ANKS1B: variants seen among roughly 807,000 people sequenced by gnomAD.
ANKS1B encodes the protein ankyrin repeat and sterile alpha motif domain containing 1B.
A neutral mutation model predicts 148.3 loss-of-function variants in ANKS1B; 36 were observed. That is an observed-to-expected ratio of 0.24 (90% confidence interval 0.19 to 0.32). ANKS1B has a LOEUF of 0.32. ANKS1B is among the 10% of genes least tolerant of loss of function. The pLI is 1.00. For synonymous variants in ANKS1B, 542 were observed against 560.8 expected (o/e 0.97, Z 0.47); for missense variants, 1,157 against 1,542.6 (o/e 0.75, Z 4.19).
At chr12:99,248,856 T>C (rs754276713) in intron 12 of ANKS1B, among the ~76,000 whole-genome samples, 2 of 152,244 alleles carry the variant, frequency 1.3e-5, no homozygotes, top group Non-Finnish European at 2.9e-5. Flanking sequence ...GGTTTATCCA[T>C]AGGACAAGCA....
At chr12:99,254,488 C>G (rs946994717) in intron 12 of ANKS1B, among the ~76,000 whole-genome samples, 17 of 152,112 alleles carry the variant, frequency 1.1e-4, no homozygotes, top group African/African-American at 3.6e-4. Context: ...GGAACTGGCA[C>G]GCTATTACTT....
At chr12:99,350,082 A>ATGGCGC (rs1214540012) in intron 12 of ANKS1B, among the ~76,000 whole-genome samples, 2 of 152,000 alleles carry the variant, frequency 1.3e-5, no homozygotes, top group African/African-American at 2.4e-5. Flanking sequence ...TCATTTGATC[A>ATGGCGC]TGGCGCAGAT....
chr12:99,150,434 G>A (rs2074516876), intron 15 of ANKS1B, among the ~76,000 whole-genome samples: 1 of 152,084 alleles, frequency 6.6e-6, no homozygotes, highest in South Asian at 2.1e-4. Context: ...AAAAGAGCCT[G>A]TTCTGTACTG....
intron 17 of ANKS1B, among the ~76,000 whole-genome samples, chr12:99,006,151 GGAAA>G (rs1364956958): frequency 3.9e-5 from 6 of 152,166 alleles, no homozygotes; most frequent in Non-Finnish European, 5.9e-5. Context: ...GGGGCTGTGG[GGAAA>G]GAGAGAGCAC....
intron 14 of ANKS1B, among the ~76,000 whole-genome samples, chr12:99,213,896 A>C (rs2083727840): frequency 6.6e-6 from 1 of 152,162 alleles, no homozygotes; most frequent in Non-Finnish European, 1.5e-5. Context: ...GTAATTACAA[A>C]GCTCACCTAA....
intron 4 of ANKS1B, among the ~76,000 whole-genome samples, chr12:99,800,874 C>G (rs1197988315): frequency 6.6e-6 from 1 of 151,890 alleles, no homozygotes; most frequent in Non-Finnish European, 1.5e-5. Context: ...TATTGGAACT[C>G]AAGAGATTGG....
intron 4 of ANKS1B, among the ~76,000 whole-genome samples, chr12:99,784,449 G>T (rs1258582562): frequency 6.6e-6 from 1 of 152,230 alleles, no homozygotes; most frequent in Admixed American, 6.5e-5. Flanking sequence ...TGGGATTACA[G>T]GCGTGAGCCA....
At chr12:99,304,433 T>C (rs1024240672) in intron 12 of ANKS1B, among the ~76,000 whole-genome samples, 7 of 152,148 alleles carry the variant, frequency 4.6e-5, no homozygotes, top group African/African-American at 1.7e-4. Flanking sequence ...AATTGTGCAC[T>C]CTTTGTGCAG....
intron 9 of ANKS1B, among the ~76,000 whole-genome samples, chr12:99,531,950 A>G (rs2096997822): frequency 6.6e-6 from 1 of 152,082 alleles, no homozygotes; most frequent in African/African-American, 2.4e-5. Flanking sequence ...TTCTCTGATG[A>G]TTAGTGATAT....
chr12:98,931,236 T>C lies in ANKS1B; in HGVS notation c.2779-99100A>G, dbSNP rs1362366305. Among the ~76,000 whole-genome samples, 6 of 152,260 alleles carry C rather than the reference T, an allele frequency of 3.9e-5. No homozygotes were observed. In the East Asian group the frequency reaches 1.2e-3, roughly 29 times the overall value. On this transcript the variant is annotated intron_variant, in intron 17 of 26. Coordinates refer to ENST00000683438, the MANE Select transcript of ANKS1B (RefSeq NM_001352186.2). Reference sequence around the variant, plus strand: ...TTTAAATACAGAGCCCAATCCACCATATCTTTCAAACTCAGGCTATTTCAA... The same window carrying C: ...TTTAAATACAGAGCCCAATCCACCACATCTTTCAAACTCAGGCTATTTCAA...
chr12:99,007,167 G>A (rs551134503), intron 17 of ANKS1B, among the ~76,000 whole-genome samples: 5 of 152,210 alleles, frequency 3.3e-5, no homozygotes, highest in Non-Finnish European at 7.3e-5. Context: ...TGATGTGGGA[G>A]CTGGAGCTGT....
intron 1 of ANKS1B, among the ~76,000 whole-genome samples, chr12:99,872,080 T>C (rs2091586254): frequency 6.6e-6 from 1 of 152,080 alleles, no homozygotes; most frequent in Admixed American, 6.6e-5. Context: ...AAAAAACATA[T>C]GTACTAGGAT....
intron 8 of ANKS1B, among the ~76,000 whole-genome samples, chr12:99,694,974 C>T (rs1260164263): frequency 6.6e-6 from 1 of 152,092 alleles, no homozygotes; most frequent in African/African-American, 2.4e-5. Flanking sequence ...TAGTTTTGTC[C>T]TTGGAATGCA....
intron 10 of ANKS1B, among the ~76,000 whole-genome samples, chr12:99,469,661 C>T (rs1400576331): frequency 6.6e-6 from 1 of 152,046 alleles, no homozygotes; most frequent in Non-Finnish European, 1.5e-5. Flanking sequence ...ACATCATTTA[C>T]TTAATATCTA....
At chr12:99,616,729 G>A (rs1051282706) in intron 9 of ANKS1B, among the ~76,000 whole-genome samples, 6 of 152,100 alleles carry the variant, frequency 3.9e-5, no homozygotes, top group African/African-American at 1.2e-4. Context: ...ACATAGACAT[G>A]GGCAAAGACT....
chr12:98,761,882 T>C (rs1367641175), intron 25 of ANKS1B, among the ~76,000 whole-genome samples: 2 of 152,312 alleles, frequency 1.3e-5, no homozygotes, highest in South Asian at 2.1e-4. Context: ...AGGCTGCTCT[T>C]TCTGAGTGGA....
At chr12:99,151,250 A>T (rs1432964557) in intron 15 of ANKS1B, among the ~76,000 whole-genome samples, 2 of 152,142 alleles carry the variant, frequency 1.3e-5, no homozygotes, top group Admixed American at 1.3e-4. Context: ...ATTGGGGGCC[A>T]GGTGTGGTGG....
chr12:99,220,663 G>A (rs1016692266), intron 14 of ANKS1B, among the ~76,000 whole-genome samples: 1 of 151,464 alleles, frequency 6.6e-6, no homozygotes, highest in African/African-American at 2.4e-5. Context: ...TAGCCAGGAT[G>A]GTCTGGATCT....
chr12:99,514,966 T>G (rs952187724), intron 9 of ANKS1B, among the ~76,000 whole-genome samples: 2 of 151,932 alleles, frequency 1.3e-5, no homozygotes, highest in African/African-American at 4.8e-5. Flanking sequence ...CAAAATAGAT[T>G]AGTAGTTTTT....
Sources: allele counts gnomAD v4.1 joint callset (sites outside exome capture counted in the v4.1 genomes callset), GRCh38; gene constraint gnomAD v4.1.1; transcripts MANE v1.5; gene names NCBI Gene and HGNC (gene_info 2026-07-23, HGNC 2026-07-21).